GTF2F2: variants seen among roughly 807,000 people sequenced by gnomAD.
The protein encoded by GTF2F2 is general transcription factor IIF subunit 2.
In GTF2F2, 23 loss-of-function variants were observed where a neutral mutation model predicts 42.2. The ratio of observed to expected loss-of-function variants is 0.55; its 90% CI spans 0.39 to 0.77. GTF2F2 has a LOEUF of 0.77. Ranked by LOEUF, GTF2F2 falls within the 30% of genes least tolerant of loss-of-function variation. The pLI is 0.00. For missense variants in GTF2F2, 261 were observed against 287.2 expected (o/e 0.91, Z 0.66); for synonymous variants, 105 against 100.8 (o/e 1.04, Z -0.25).
chr13:45,277,449 G>C (rs535607433), intron 7 of GTF2F2, among the ~76,000 whole-genome samples: 2 of 152,258 alleles, frequency 1.3e-5, no homozygotes, highest in Admixed American at 1.3e-4. Context: ...ACTATCTCGA[G>C]GATAGTACCC....
At chr13:45,196,955 A>G (rs1012119142) in intron 4 of GTF2F2, among the ~76,000 whole-genome samples, 12 of 151,970 alleles carry the variant, frequency 7.9e-5, no homozygotes, top group Admixed American at 3.9e-4. Context: ...AAAACCACTG[A>G]TGAGTGCTCG....
At chr13:45,246,568 G>C (rs1045235079) in intron 5 of GTF2F2, among the ~76,000 whole-genome samples, 2 of 151,916 alleles carry the variant, frequency 1.3e-5, no homozygotes, top group Non-Finnish European at 2.9e-5. Context: ...GTCCATTTTT[G>C]CCCCATTCTA....
At chr13:45,151,601 A>G in intron 3 of GTF2F2, 86 bp from the exon 4 acceptor site, 1 of 812,690 alleles carries the variant, frequency 1.2e-6, no homozygotes. Context: ...ACACATTTAA[A>G]AACAATTTGA....
At chr13:45,134,348 CTTA>C (rs955120174) in intron 1 of GTF2F2, among the ~76,000 whole-genome samples, 14 of 152,216 alleles carry the variant, frequency 9.2e-5, no homozygotes, top group African/African-American at 2.9e-4. Context: ...GGGAAGAAGA[CTTA>C]TGCTCTTCGG....
At position 45,272,922 on chromosome 13, in the gene GTF2F2, A is replaced by ATTTT. The variant is rs748355143; in HGVS notation, c.630+5565_630+5568dup. ...AGGCATGCCCCACCACACCTGGCTAATTTTTTTTTTTTTTTTTTTTTTGAG... is the reference window on the plus strand; with the variant it reads ...AGGCATGCCCCACCACACCTGGCTAATTTTTTTTTTTTTTTTTTTTTTTTTTGAG... On this transcript the variant is annotated intron_variant, in intron 7 of 7. Transcript: ENST00000340473. Among the ~76,000 whole-genome samples the ATTTT allele has an allele frequency of 2.3e-4, 22 of 96,314 alleles. 2 individuals carry two copies. The highest frequency in any genetic ancestry group is 8.1e-4 in the African/African-American group (16 of 19,756). 63.2% of individuals were successfully genotyped at this position (96,314 alleles called of 152,430 possible).
intron 5 of GTF2F2, among the ~76,000 whole-genome samples, chr13:45,226,652 T>C (rs965180002): frequency 6.6e-6 from 1 of 152,206 alleles, no homozygotes; most frequent in African/African-American, 2.4e-5. Flanking sequence ...CACTTTTTTT[T>C]CCCAGGTTCA....
rs1020408726 is a variant in GTF2F2, at chr13:45,151,753, A to T, written c.226A>T (p.Ser76Cys). 1.3e-6 allele frequency: 2 copies of T among 1,597,506 alleles called. No homozygotes were observed. Among genetic ancestry groups the T allele is most frequent in the African/African-American group, 1.3e-5 (1 of 74,388 alleles). ...HDIGGKPASV[S>C]APREHPFVLQ... ...TATTGGTGGAAAACCAGCTTCAGTC[A>T]GTGCTCCTAGAGAACATCCATTTGT... Residue 76 changes from serine to cysteine, a missense_variant, in exon 4 of 8, where the codon AGT becomes TGT. By Grantham distance (112) the Ser-to-Cys change is moderately radical. Coordinates refer to ENST00000340473, the MANE Select transcript of GTF2F2 (RefSeq NM_004128.3).
intron 4 of GTF2F2, 71 bp downstream of exon 4, chr13:45,151,902 T>A: frequency 2.3e-6 from 1 of 439,202 alleles, no homozygotes; most frequent in Non-Finnish European, 4.0e-6. Flanking sequence ...CAACATACAC[T>A]CCTATTTGCT....
chr13:45,131,150 G>T (rs918000164), intron 1 of GTF2F2, among the ~76,000 whole-genome samples: 7 of 151,888 alleles, frequency 4.6e-5, no homozygotes, highest in Admixed American at 1.3e-4. Context: ...AGAGGTTGTG[G>T]TGAGCCGAGA....
chr13:45,172,215 G>A (rs1010993430), intron 4 of GTF2F2, among the ~76,000 whole-genome samples: 1 of 152,176 alleles, frequency 6.6e-6, no homozygotes, highest in Admixed American at 6.5e-5. Context: ...AAGTGGATGG[G>A]TGTGCAGTGG....
chr13:45,203,710 G>A (rs765721880), intron 4 of GTF2F2, among the ~76,000 whole-genome samples: 4 of 152,180 alleles, frequency 2.6e-5, no homozygotes, highest in Admixed American at 1.3e-4. Flanking sequence ...GAGCAGACGT[G>A]TGTGGGAGTA....
At chr13:45,125,300 T>C (rs9595240) in intron 1 of GTF2F2, among the ~76,000 whole-genome samples, 54,495 of 151,966 alleles carry the variant, frequency 0.36, 13,566 homozygotes, top group African/African-American at 0.71. Flanking sequence ...TTTGCGTCTC[T>C]CTGTTTTTTT....
At chr13:45,203,118 C>G (rs1278348666) in intron 4 of GTF2F2, among the ~76,000 whole-genome samples, 1 of 152,056 alleles carries the variant, frequency 6.6e-6, no homozygotes, top group Non-Finnish European at 1.5e-5. Flanking sequence ...ATTCTGTCGC[C>G]CAGGCTGGAG....
intron 1 of GTF2F2, among the ~76,000 whole-genome samples, chr13:45,121,059 T>G (rs1464804363): frequency 6.6e-6 from 1 of 152,206 alleles, no homozygotes; most frequent in Non-Finnish European, 1.5e-5. Context: ...TTGGTGAAAC[T>G]GGTTTTAGCC....
chr13:45,207,695 A>G (rs187793733), intron 5 of GTF2F2, among the ~76,000 whole-genome samples, 190 bp downstream of exon 5: 4 of 152,314 alleles, frequency 2.6e-5, no homozygotes, highest in East Asian at 3.9e-4. Context: ...TGGGCTGTTT[A>G]TTTGAGGTAT....
rs1161627204 is a variant in GTF2F2 at position 45,127,938 on chromosome 13, C to CTTTTTTTTTTTTTTTTTTTTTTTTT, written c.66+7224_66+7248dup. Among the ~76,000 whole-genome samples, 39 of 48,606 alleles carry CTTTTTTTTTTTTTTTTTTTTTTTTT rather than the reference C, an allele frequency of 8.0e-4. 1 individual carries two copies. The highest frequency in any genetic ancestry group is 1.1e-3 in the Non-Finnish European group (30 of 26,518). The allele number at this position is 48,606 out of a possible 152,430, so 31.9% of individuals were successfully genotyped here. On this transcript the variant is annotated intron_variant, in intron 1 of 7. Transcript: ENST00000340473. Reference sequence around the variant, plus strand: ...GAGCCACTGTGCCTGGCACCCCGGCCTTTTTTTTTTTTTTTTTTTTTTTTT... The same window carrying CTTTTTTTTTTTTTTTTTTTTTTTTT: ...GAGCCACTGTGCCTGGCACCCCGGCCTTTTTTTTTTTTTTTTTTTTTTTTTTTTTTTTTTTTTTTTTTTTTTTTTT...
intron 5 of GTF2F2, among the ~76,000 whole-genome samples, chr13:45,219,049 A>G (rs1874004193): frequency 1.3e-5 from 2 of 152,148 alleles, no homozygotes; most frequent in Non-Finnish European, 2.9e-5. Flanking sequence ...TTTTTAAAAA[A>G]AAGGCTGCTC....
intron 7 of GTF2F2, among the ~76,000 whole-genome samples, chr13:45,272,978 G>GT (rs1458197789): frequency 1.5e-5 from 2 of 135,086 alleles, no homozygotes; most frequent in Admixed American, 1.5e-4. Flanking sequence ...CCAGGCTGGA[G>GT]TGCAGTGGCG....
intron 4 of GTF2F2, chr13:45,194,766 C>G: frequency 1.7e-6 from 1 of 572,720 alleles, no homozygotes; most frequent in Non-Finnish European, 3.1e-6. Context: ...TGGAGTAAGA[C>G]GGAAAAGAGA....
Sources: gnomAD v4.1 joint callset for allele counts (sites outside exome capture counted in the v4.1 genomes callset) on GRCh38, gnomAD v4.1.1 for gene constraint, MANE v1.5 for transcripts, NCBI Gene and HGNC (gene_info 2026-07-23, HGNC 2026-07-21) for gene names.